Variants in NRG1 observed in about 807,000 individuals in gnomAD.
NRG1 encodes neuregulin 1.
In NRG1, 18 loss-of-function variants were observed where a neutral mutation model predicts 63.8. The ratio of observed to expected loss-of-function variants is 0.28; its 90% confidence interval spans 0.19 to 0.42. The LOEUF (loss-of-function observed/expected upper bound fraction) is 0.42. Among genes scored for constraint, NRG1 ranks in the 10% least tolerant of loss-of-function variants. The pLI, the probability that NRG1 is intolerant of heterozygous loss-of-function variation, is 1.00. For synonymous variants in NRG1, 302 were observed against 301.3 expected (o/e 1.00, Z -0.02); for missense variants, 762 against 814.7 (o/e 0.94, Z 0.79).
At chr8:32,719,964 C>T (rs1049341850) in intron 5 of NRG1, among the ~76,000 whole-genome samples, 2 of 151,914 alleles carry the variant, frequency 1.3e-5, no homozygotes, top group African/African-American at 2.4e-5. Context: ...AAGGTTGATT[C>T]GGTATCCATT....
chr8:32,116,658 A>C (rs916473244), intron 1 of NRG1, among the ~76,000 whole-genome samples: 2 of 152,076 alleles, frequency 1.3e-5, no homozygotes, highest in African/African-American at 4.8e-5. Flanking sequence ...GCTCATAAAA[A>C]CATAAACTCA....
intron 1 of NRG1, among the ~76,000 whole-genome samples, chr8:32,445,395 A>G (rs372683514): frequency 2.6e-5 from 4 of 152,322 alleles, no homozygotes; most frequent in South Asian, 2.1e-4. Flanking sequence ...GTCAAAGACA[A>G]GAGTGGCTGG....
At chr8:31,937,691 C>T (rs1003851039) in intron 1 of NRG1, among the ~76,000 whole-genome samples, 13 of 152,140 alleles carry the variant, frequency 8.5e-5, no homozygotes, top group Admixed American at 5.2e-4. Context: ...GGAGTGAGAC[C>T]GGCCTTTAGG....
At chr8:31,843,825 G>A (rs887879859) in intron 1 of NRG1, among the ~76,000 whole-genome samples, 8 of 151,908 alleles carry the variant, frequency 5.3e-5, no homozygotes, top group Admixed American at 2.0e-4. Flanking sequence ...AGGCTATGGG[G>A]AAAAAAAGGT....
intron 1 of NRG1, among the ~76,000 whole-genome samples, chr8:32,170,233 T>G (rs76586265): frequency 9.2e-5 from 14 of 152,304 alleles, no homozygotes; most frequent in South Asian, 4.1e-4. Context: ...TCCTAGGAAT[T>G]TGATACACCT....
At chr8:32,579,943 A>G (rs1278204523) in intron 1 of NRG1, among the ~76,000 whole-genome samples, 1 of 152,146 alleles carries the variant, frequency 6.6e-6, no homozygotes. Context: ...CTTACTTCCA[A>G]GCCAACAACA....
chr8:32,289,544 C>G (rs1853947512), intron 1 of NRG1, among the ~76,000 whole-genome samples: 1 of 152,090 alleles, frequency 6.6e-6, no homozygotes, highest in Admixed American at 6.6e-5. Context: ...GTTCAGCTTA[C>G]AAACCTTCTT....
chr8:32,469,789 A>C (rs1185946673), intron 1 of NRG1, among the ~76,000 whole-genome samples: 2 of 152,194 alleles, frequency 1.3e-5, no homozygotes, highest in Admixed American at 1.3e-4. Flanking sequence ...GATACAAGCA[A>C]ATTAATTAAG....
At chr8:32,711,759 A>G (rs1414885299) in intron 5 of NRG1, among the ~76,000 whole-genome samples, 1 of 152,186 alleles carries the variant, frequency 6.6e-6, no homozygotes, top group Admixed American at 6.5e-5. Flanking sequence ...TAAGCAGAAC[A>G]TGATAAATAG....
At chr8:32,556,208 G>A (rs546852960) in intron 1 of NRG1, among the ~76,000 whole-genome samples, 37 of 152,260 alleles carry the variant, frequency 2.4e-4, no homozygotes, top group Non-Finnish European at 5.0e-4. Flanking sequence ...TATTCTTTAA[G>A]TAATAATGAC....
At chr8:32,164,076 C>CT (rs1839146359) in intron 1 of NRG1, among the ~76,000 whole-genome samples, 1 of 152,268 alleles carries the variant, frequency 6.6e-6, no homozygotes, top group South Asian at 2.1e-4. Flanking sequence ...TGTTCTCTCT[C>CT]TTTTCCCCTC....
intron 1 of NRG1, among the ~76,000 whole-genome samples, chr8:31,806,429 G>A (rs552033282): frequency 1.3e-5 from 2 of 151,982 alleles, no homozygotes; most frequent in African/African-American, 2.4e-5. Context: ...ATATATTAAT[G>A]TTCCACAACT....
intron 1 of NRG1, among the ~76,000 whole-genome samples, chr8:32,227,852 T>C (rs534747664): frequency 6.6e-6 from 1 of 152,298 alleles, no homozygotes; most frequent in African/African-American, 2.4e-5. Flanking sequence ...TGAGTGGCAG[T>C]GAACCAGAAG....
intron 1 of NRG1, among the ~76,000 whole-genome samples, chr8:31,834,714 A>C (rs1325996233): frequency 6.6e-6 from 1 of 152,214 alleles, no homozygotes; most frequent in Non-Finnish European, 1.5e-5. Context: ...CTGTCTCAAA[A>C]AATTTAAAAA....
At chr8:32,226,530 G>GA (rs1173511879) in intron 1 of NRG1, among the ~76,000 whole-genome samples, 3 of 150,924 alleles carry the variant, frequency 2.0e-5, no homozygotes, top group Admixed American at 6.6e-5. Context: ...GCCTAAATTA[G>GA]AAAAAAAAAT....
At chr8:32,481,370 A>G (rs1201171476) in intron 1 of NRG1, among the ~76,000 whole-genome samples, 2 of 152,158 alleles carry the variant, frequency 1.3e-5, no homozygotes, top group East Asian at 3.9e-4. Context: ...ACAAACAAAT[A>G]AAGGTTGTGT....
rs373795997 is a variant in NRG1 at position 32,539,790 on chromosome 8, GAA to G, written c.38-56029_38-56028del. ...GGCCAGCATTTAAGAGAAAGTTAAG[GAA>G]AAAAAAAAGATTTAAGAAAAAGACA... On this transcript the variant is annotated intron_variant, in intron 1 of 10. Coordinates refer to the NRG1 transcript ENST00000519301. Among the ~76,000 whole-genome samples, 42 of 146,924 alleles carry G rather than the reference GAA, an allele frequency of 2.9e-4. No homozygotes were observed. The Middle Eastern group carries it at 0.017, about 61-fold the overall frequency.
Position 32,702,348 on chromosome 8 carries a change from G to T in NRG1, c.503-25601G>T, listed in dbSNP as rs138673292. On this transcript the variant is annotated intron_variant, in intron 5 of 11. Transcript: ENST00000356819. ...GTCAGTGTTCACATGTGCCTAATAG[G>T]CATACGTAAAATCACACTTGTATGA... Among the ~76,000 whole-genome samples the T allele has an allele frequency of 1.4e-3, 207 of 152,304 alleles. 1 individual carries two copies. Among genetic ancestry groups the T allele is most frequent in the African/African-American group, 4.7e-3 (197 of 41,552 alleles).
chr8:32,581,377 C>T (rs1011472798), intron 1 of NRG1, among the ~76,000 whole-genome samples: 1 of 152,088 alleles, frequency 6.6e-6, no homozygotes, highest in Non-Finnish European at 1.5e-5. Flanking sequence ...TAGTGATAAC[C>T]CTGATAAATT....
Sources: gnomAD v4.1 joint callset for allele counts (sites outside exome capture counted in the v4.1 genomes callset) on GRCh38, gnomAD v4.1.1 for gene constraint, MANE v1.5 for transcripts, NCBI Gene and HGNC (gene_info 2026-07-23, HGNC 2026-07-21) for gene names.